Variants in CACNA1I observed in about 807,000 individuals in gnomAD.
CACNA1I encodes voltage-dependent T-type calcium channel subunit alpha-1I.
CACNA1I carries 74 observed loss-of-function variants against 201.6 expected under a neutral mutation model. That is an observed-to-expected ratio of 0.37 (90% CI 0.30 to 0.45). The LOEUF (loss-of-function observed/expected upper bound fraction) is 0.45, where lower values mean the gene tolerates loss of function less well. CACNA1I is among the 20% of genes least tolerant of loss of function. The pLI, the probability that CACNA1I is intolerant of heterozygous loss-of-function variation, is 1.00. For missense variants in CACNA1I, 2,346 were observed against 3,138.1 expected (o/e 0.75, Z 6.03); for synonymous variants, 1,431 against 1,345.2 (o/e 1.06, Z -1.40).
At chr22:39,588,385 C>CTTTTTTTTTTTTT (rs3044379) in intron 1 of CACNA1I, among the ~76,000 whole-genome samples, 4 of 80,722 alleles carry the variant, frequency 5.0e-5, no homozygotes, top group African/African-American at 8.7e-5. Flanking sequence ...TTCTTTCTTT[C>CTTTTTTTTTTTTT]TTTTTTTTTT....
intron 1 of CACNA1I, among the ~76,000 whole-genome samples, chr22:39,578,142 G>T (rs977632803): frequency 2.6e-5 from 4 of 151,984 alleles, no homozygotes; most frequent in Non-Finnish European, 4.4e-5. Context: ...AAGGTGGGGA[G>T]TGGGGCCTGG....
At chr22:39,641,893 C>T (rs1569075910) in intron 6 of CACNA1I, among the ~76,000 whole-genome samples, 1 of 152,162 alleles carries the variant, frequency 6.6e-6, no homozygotes, top group Non-Finnish European at 1.5e-5. Flanking sequence ...GTAATAACAG[C>T]CCCCCTCACC....
intron 1 of CACNA1I, among the ~76,000 whole-genome samples, chr22:39,597,489 T>C (rs1221150880): frequency 6.6e-6 from 1 of 152,178 alleles, no homozygotes; most frequent in Non-Finnish European, 1.5e-5. Context: ...CAAGGCCAGG[T>C]TCATGGCCAG....
intron 3 of CACNA1I, among the ~76,000 whole-genome samples, chr22:39,613,899 G>A (rs754436373): frequency 2.0e-5 from 3 of 151,972 alleles, no homozygotes; most frequent in Admixed American, 6.6e-5. Context: ...GTGCAGTGGC[G>A]CAATCTCAGC....
At chr22:39,606,658 G>A (rs1461297437) in intron 3 of CACNA1I, among the ~76,000 whole-genome samples, 3 of 152,142 alleles carry the variant, frequency 2.0e-5, no homozygotes, top group Admixed American at 6.6e-5. Context: ...TCAGCCTCCC[G>A]AGTAGCTGGG....
intron 7 of CACNA1I, among the ~76,000 whole-genome samples, chr22:39,645,314 C>T (rs1029602064): frequency 1.1e-4 from 17 of 152,222 alleles, no homozygotes; most frequent in African/African-American, 3.4e-4. Flanking sequence ...GTTCTTGGCT[C>T]ATCAGGTTTG....
intron 10 of CACNA1I, among the ~76,000 whole-genome samples, chr22:39,654,027 T>C (rs1457080331): frequency 6.6e-6 from 1 of 152,188 alleles, no homozygotes; most frequent in East Asian, 1.9e-4. Context: ...GGAGGCCTGA[T>C]TCCTTCATCA....
chr22:39,582,956 C>A (rs1417734964), intron 1 of CACNA1I, among the ~76,000 whole-genome samples: 1 of 129,010 alleles, frequency 7.8e-6, no homozygotes, highest in Non-Finnish European at 1.7e-5. Flanking sequence ...AACTATCCAT[C>A]CATCCAACAA....
intron 35 of CACNA1I, among the ~76,000 whole-genome samples, chr22:39,683,873 G>A (rs1262449565): frequency 1.3e-5 from 2 of 152,226 alleles, no homozygotes; most frequent in African/African-American, 4.8e-5. Flanking sequence ...CCCCAGGCCT[G>A]GCCAGGCCCC....
chr22:39,633,359 G>A (rs893798587), intron 4 of CACNA1I, among the ~76,000 whole-genome samples: 9 of 152,198 alleles, frequency 5.9e-5, no homozygotes, highest in African/African-American at 2.2e-4. Flanking sequence ...GCTAGAATAA[G>A]ACGAGATATT....
chr22:39,667,941 C>A (rs1935247884), intron 23 of CACNA1I, among the ~76,000 whole-genome samples: 1 of 152,150 alleles, frequency 6.6e-6, no homozygotes, highest in South Asian at 2.1e-4. Flanking sequence ...TCCCAGCACA[C>A]CTGCCAGAAA....
chr22:39,618,735 G>A (rs941025564), intron 3 of CACNA1I, among the ~76,000 whole-genome samples: 1 of 151,872 alleles, frequency 6.6e-6, no homozygotes, highest in African/African-American at 2.4e-5. Flanking sequence ...TGGGGGGCAG[G>A]GGGGGTCATC....
chr22:39,642,736 C>A, intron 6 of CACNA1I, 61 bp from the exon 7 acceptor site: 1 of 1,204,200 alleles, frequency 8.3e-7, no homozygotes, highest in Non-Finnish European at 1.2e-6. Flanking sequence ...GGGGCACTGC[C>A]TGGGCTACGG....
chr22:39,611,491 C>T (rs1002672137), intron 3 of CACNA1I, among the ~76,000 whole-genome samples: 20 of 152,126 alleles, frequency 1.3e-4, no homozygotes, highest in Non-Finnish European at 2.9e-5. Flanking sequence ...AGGAACATTT[C>T]CCCCAGGCTC....
In CACNA1I at chr22:39,674,034, G is replaced by A; in HGVS notation, c.4854+1G>A. 1 of 1,612,950 alleles carries A rather than the reference G, an allele frequency of 6.2e-7. No individual in the cohort carries two copies. Among genetic ancestry groups the A allele is most frequent in the Non-Finnish European group, 8.5e-7 (1 of 1,179,624 alleles). ...CACGGTGGTGCAAGCTTTGCCCCAG[G>A]TAAGAGCCACTCTTTCTGGCAGCCC... On this transcript the variant is annotated splice_donor_variant, in intron 29 of 36. Transcript: ENST00000402142. LOFTEE classifies it high-confidence loss of function.
chr22:39,574,829 G>C (rs1932293395), intron 1 of CACNA1I, among the ~76,000 whole-genome samples: 1 of 152,220 alleles, frequency 6.6e-6, no homozygotes, highest in Non-Finnish European at 1.5e-5. Flanking sequence ...CCAGGCCCGG[G>C]AAGGGGAGGG....
Position 39,681,066 on chromosome 22 carries a change from G to C in CACNA1I, c.5664+14G>C. 1 of 1,605,254 alleles carries C rather than the reference G, an allele frequency of 6.2e-7. No homozygotes were observed. Among genetic ancestry groups the C allele is most frequent in the Non-Finnish European group, 8.5e-7 (1 of 1,177,490 alleles). ...AAAGACAGCAAGGTCAGCTCCCCTG[G>C]GGACTCCTGAGCAGGCGGGTCTGTC... On this transcript the variant is annotated intron_variant, in intron 34 of 36. Transcript: ENST00000402142.
chr22:39,672,364 C>A (rs1935400029), intron 27 of CACNA1I, 56 bp downstream of exon 27: 3 of 1,184,436 alleles, frequency 2.5e-6, no homozygotes, highest in Non-Finnish European at 3.8e-6. Context: ...GATGAAGAAG[C>A]AGTCCTGACC....
chr22:39,612,683 A>T (rs753570406), intron 3 of CACNA1I, among the ~76,000 whole-genome samples: 3 of 152,172 alleles, frequency 2.0e-5, no homozygotes, highest in Non-Finnish European at 4.4e-5. Context: ...TAATACCATC[A>T]CCTTGGGGGA....
Sources: gnomAD v4.1 joint callset for allele counts (sites outside exome capture counted in the v4.1 genomes callset) on GRCh38, gnomAD v4.1.1 for gene constraint, MANE v1.5 for transcripts, NCBI Gene and HGNC (gene_info 2026-07-23, HGNC 2026-07-21) for gene names.